The following RALGAPA2 variants were observed in gnomAD, a reference collection of about 807,000 sequenced individuals.
RALGAPA2 encodes the protein Ral GTPase activating protein catalytic subunit alpha 2, also known as ral GTPase-activating protein subunit alpha-2.
Under a neutral mutation model 230.4 loss-of-function variants are expected in RALGAPA2, and 139 were observed. That is an observed-to-expected ratio of 0.60 (90% CI 0.53 to 0.69). RALGAPA2 has a LOEUF of 0.69. Ranked by LOEUF, RALGAPA2 falls within the 30% of genes least tolerant of loss-of-function variation. RALGAPA2 has a pLI of 0.00. For synonymous variants in RALGAPA2, 847 were observed against 837.8 expected (o/e 1.01, Z -0.19); for missense variants, 2,163 against 2,276.0 (o/e 0.95, Z 1.01).
intron 37 of RALGAPA2, chr20:20,472,327 C>G (rs2061558191): frequency 6.6e-6 from 1 of 152,228 alleles, no homozygotes; most frequent in South Asian, 2.1e-4. Flanking sequence ...TACCCTCAAC[C>G]AAATGCAATT....
At chr20:20,486,087 C>A (rs2061901439) in intron 36 of RALGAPA2, among the ~76,000 whole-genome samples, 1 of 152,076 alleles carries the variant, frequency 6.6e-6, no homozygotes, top group South Asian at 2.1e-4. Flanking sequence ...TTGCAGTGAG[C>A]CATGATCATG....
intron 16 of RALGAPA2, among the ~76,000 whole-genome samples, chr20:20,595,821 G>A (rs2065436977): frequency 6.6e-6 from 1 of 151,966 alleles, no homozygotes; most frequent in South Asian, 2.1e-4. Context: ...TGCATGGCAT[G>A]CCTGTAATCC....
intron 23 of RALGAPA2, among the ~76,000 whole-genome samples, chr20:20,558,283 G>A (rs2064150044): frequency 6.6e-6 from 1 of 152,218 alleles, no homozygotes; most frequent in African/African-American, 2.4e-5. Context: ...TGGGATTACA[G>A]GGAAAAGGCA....
chr20:20,673,057 C>T (rs1387101180), intron 3 of RALGAPA2, among the ~76,000 whole-genome samples: 2 of 151,786 alleles, frequency 1.3e-5, no homozygotes, highest in East Asian at 1.9e-4. Context: ...TGGTGGCGGG[C>T]ACCTGTAGTC....
At chr20:20,706,060 T>G (rs2069589666) in intron 1 of RALGAPA2, among the ~76,000 whole-genome samples, 1 of 152,238 alleles carries the variant, frequency 6.6e-6, no homozygotes. Context: ...AGTAAAAGTA[T>G]TATGCCTGTC....
chr20:20,583,278 A>T, intron 19 of RALGAPA2, 52 bp from the exon 20 acceptor site: 1 of 1,507,168 alleles, frequency 6.6e-7, no homozygotes, highest in East Asian at 2.3e-5. Flanking sequence ...TGAAAATCAG[A>T]ATGTTCACAA....
chr20:20,701,556 G>A (rs1359929201), intron 1 of RALGAPA2, among the ~76,000 whole-genome samples: 1 of 152,082 alleles, frequency 6.6e-6, no homozygotes, highest in Non-Finnish European at 1.5e-5. Flanking sequence ...GGCCAACATG[G>A]TGAAACCCCA....
rs1172876893 is a variant in RALGAPA2, at chr20:20,524,815, T to C, written c.3762+15A>G. On this transcript the variant is annotated intron_variant, in intron 29 of 39. Transcript: ENST00000202677. ...AAAAAAACTATAGGAAAAACTTAGT[T>C]AATGTGCCACCTACCTTCTTGTCTG... 6.4e-7 allele frequency: 1 copy of C among 1,569,126 alleles called. No individual in the cohort carries two copies. The highest frequency in any genetic ancestry group is 8.6e-7 in the Non-Finnish European group (1 of 1,162,078).
At chr20:20,598,063 T>C (rs955728010) in intron 16 of RALGAPA2, among the ~76,000 whole-genome samples, 1 of 152,178 alleles carries the variant, frequency 6.6e-6, no homozygotes, top group African/African-American at 2.4e-5. Flanking sequence ...TGCTATGATA[T>C]CTTAATAAAA....
intron 24 of RALGAPA2, among the ~76,000 whole-genome samples, chr20:20,537,197 AGAG>A (rs1177214656): frequency 5.3e-5 from 8 of 152,234 alleles, no homozygotes; most frequent in Non-Finnish European, 1.2e-4. Flanking sequence ...GAGAGTAGAA[AGAG>A]AAGACAAACT....
Position 20,535,732 on chromosome 20 carries a change from A to G in RALGAPA2, c.3473+13T>C. The G allele has an allele frequency of 6.5e-7, 1 of 1,545,320 alleles. No individual in the cohort carries two copies. Among genetic ancestry groups the G allele is most frequent in the South Asian group, 1.2e-5 (1 of 81,940 alleles). On this transcript the variant is annotated intron_variant, in intron 26 of 39. Transcript: ENST00000202677. The stretch of plus-strand genomic sequence containing the variant: ...AAAATTCTAAAATAGTTTACCTCTT[A>G]TTCAACATTTACCTTGCATATTCAT...
rs781419868 is a variant in RALGAPA2, at chr20:20,611,293, T to G, written c.1800+22A>C. On this transcript the variant is annotated intron_variant, in intron 14 of 39. Coordinates refer to ENST00000202677, the MANE Select transcript of RALGAPA2 (RefSeq NM_020343.4). ...TCTGATTCATTTCTTGCATTTGCAGTGCTTTCATAAAAAAGACTTACCCTA... is the reference window on the plus strand; with the variant it reads ...TCTGATTCATTTCTTGCATTTGCAGGGCTTTCATAAAAAAGACTTACCCTA... 104 of 1,588,080 alleles carry G rather than the reference T, an allele frequency of 6.5e-5. 1 individual carries two copies. In the South Asian group the frequency reaches 1.2e-3, roughly 18 times the overall value.
At chr20:20,695,408 A>G (rs2069072606) in intron 1 of RALGAPA2, among the ~76,000 whole-genome samples, 1 of 152,200 alleles carries the variant, frequency 6.6e-6, no homozygotes, top group African/African-American at 2.4e-5. Flanking sequence ...GCATGAGCAA[A>G]TGTTTGACAC....
chr20:20,474,883 GC>G (rs1166768707), intron 36 of RALGAPA2, among the ~76,000 whole-genome samples: 1 of 152,142 alleles, frequency 6.6e-6, no homozygotes, highest in Non-Finnish European at 1.5e-5. Context: ...GATGTTTCTA[GC>G]CATGAGATCA....
intron 20 of RALGAPA2, among the ~76,000 whole-genome samples, chr20:20,574,273 G>T (rs1438180047): frequency 6.6e-6 from 1 of 152,196 alleles, no homozygotes; most frequent in East Asian, 1.9e-4. Flanking sequence ...GCTCTGTGGG[G>T]AAGAGTCAGT....
intron 37 of RALGAPA2, among the ~76,000 whole-genome samples, chr20:20,470,522 G>A (rs938147726): frequency 4.6e-5 from 7 of 152,108 alleles, no homozygotes; most frequent in African/African-American, 1.7e-4. Flanking sequence ...GGAGTGTAGG[G>A]CCCATCATGC....
intron 5 of RALGAPA2, among the ~76,000 whole-genome samples, chr20:20,641,113 G>C (rs756833683): frequency 6.6e-6 from 1 of 152,160 alleles, no homozygotes; most frequent in Non-Finnish European, 1.5e-5. Flanking sequence ...CCACTTTCTA[G>C]CTGGGACCCA....
chr20:20,427,197 C>T (rs1485786637), intron 37 of RALGAPA2, among the ~76,000 whole-genome samples: 1 of 152,190 alleles, frequency 6.6e-6, no homozygotes, highest in African/African-American at 2.4e-5. Flanking sequence ...AATTGTAGCC[C>T]TTCTTCCACT....
At chr20:20,684,009 G>T (rs1489337162) in intron 1 of RALGAPA2, among the ~76,000 whole-genome samples, 1 of 152,108 alleles carries the variant, frequency 6.6e-6, no homozygotes, top group East Asian at 1.9e-4. Context: ...TATAAACTGT[G>T]GGCTAAAGCA....
Sources: gnomAD v4.1 joint callset for allele counts (sites outside exome capture counted in the v4.1 genomes callset) on GRCh38, gnomAD v4.1.1 for gene constraint, MANE v1.5 for transcripts, NCBI Gene and HGNC (gene_info 2026-07-23, HGNC 2026-07-21) for gene names.